TRAPPC13: variants seen among roughly 807,000 people sequenced by gnomAD.
TRAPPC13 encodes trafficking protein particle complex subunit 13.
In TRAPPC13, 39 loss-of-function variants were observed where a neutral mutation model predicts 54.0. The ratio of observed to expected loss-of-function variants is 0.72; its 90% CI spans 0.56 to 0.94. The LOEUF (loss-of-function observed/expected upper bound fraction) is 0.94, where lower values mean the gene tolerates loss of function less well. Among genes scored for constraint, TRAPPC13 ranks in the 40% least tolerant of loss-of-function variants. The pLI, the probability that TRAPPC13 is intolerant of heterozygous loss-of-function variation, is 0.00. For missense variants in TRAPPC13, 386 were observed against 488.1 expected, an observed-to-expected ratio of 0.79 and a Z score of 1.97; for synonymous variants, 148 against 167.7, an observed-to-expected ratio of 0.88 and a Z score of 0.91.
chr5:65,626,520 A>G (rs37252), intron 1 of TRAPPC13, among the ~76,000 whole-genome samples: 94,318 of 151,966 alleles, frequency 0.62, 29,528 homozygotes, highest in South Asian at 0.65. Flanking sequence ...GGGTGATCAC[A>G]AGGTCAAGAG....
chr5:65,655,127 A>G (rs1756604649), intron 7 of TRAPPC13, among the ~76,000 whole-genome samples: 1 of 152,168 alleles, frequency 6.6e-6, no homozygotes. Flanking sequence ...AGAATTCTCA[A>G]TTTTTTCAAG....
At chr5:65,633,630 T>TCTGAAAAATTTTCTGAAAAATC (rs1755630777) in intron 1 of TRAPPC13, among the ~76,000 whole-genome samples, 1 of 152,190 alleles carries the variant, frequency 6.6e-6, no homozygotes, top group Non-Finnish European at 1.5e-5. Flanking sequence ...TGAAAAATTT[T>TCTGAAAAATTTTCTGAAAAATC]ACAAGTTTTT....
chr5:65,658,198 A>T (rs769174711), intron 8 of TRAPPC13, 170 bp from the exon 9 acceptor site: 20 of 563,400 alleles, frequency 3.5e-5, no homozygotes, highest in Non-Finnish European at 5.2e-5. Context: ...GTTAATTATG[A>T]TAGGGTGAAG....
intron 1 of TRAPPC13, 180 bp downstream of exon 1, chr5:65,625,286 C>G: frequency 1.7e-6 from 1 of 602,736 alleles, no homozygotes; most frequent in South Asian, 2.0e-5. Context: ...TTATGGGCCC[C>G]TTTCTAGAAC....
intron 1 of TRAPPC13, chr5:65,626,143 G>C (rs925447830): frequency 6.6e-6 from 1 of 152,220 alleles, no homozygotes; most frequent in Non-Finnish European, 1.5e-5. Flanking sequence ...GTTACTCGTG[G>C]AGAAGAGGGA....
chr5:65,658,190 T>C, intron 8 of TRAPPC13, 178 bp from the exon 9 acceptor site: 1 of 524,706 alleles, frequency 1.9e-6, no homozygotes, highest in South Asian at 3.4e-5. Flanking sequence ...TTGCCCCTGT[T>C]AATTATGATA....
At chr5:65,630,660 T>G in intron 1 of TRAPPC13, 1 of 1,011,906 alleles carries the variant, frequency 9.9e-7, no homozygotes, top group Non-Finnish European at 1.2e-6. Context: ...TTTTTTTCCT[T>G]ACCTCAAGTG....
Position 65,664,956 on chromosome 5 carries a change from C to A in TRAPPC13, c.*345C>A, listed in dbSNP as rs756154545. On this transcript the variant is annotated 3_prime_UTR_variant, in exon 13 of 13. Transcript: ENST00000399438. The stretch of plus-strand genomic sequence containing the variant: ...CACTTTTTATGTAAGGTACAAGATA[C>A]TAAATATTTTAGGCTTTGCAGGCCG... 3 of 243,724 alleles carry A rather than the reference C, an allele frequency of 1.2e-5. No individual in the cohort carries two copies. Among genetic ancestry groups the A allele is most frequent in the Non-Finnish European group, 2.4e-5 (3 of 127,000 alleles). 15.1% of individuals were successfully genotyped at this position (243,724 alleles called of 1,614,324 possible). A position where few individuals can be genotyped will look rare whatever the true frequency, so the allele number is the denominator to read the frequency against.
chr5:65,627,249 C>T (rs1412712466), intron 1 of TRAPPC13, among the ~76,000 whole-genome samples: 1 of 151,782 alleles, frequency 6.6e-6, no homozygotes, highest in African/African-American at 2.4e-5. Context: ...TATAGTTAAC[C>T]CATTGTTCTA....
chr5:65,635,548 T>C (rs1303302870), intron 2 of TRAPPC13, among the ~76,000 whole-genome samples, 179 bp downstream of exon 2: 1 of 152,256 alleles, frequency 6.6e-6, no homozygotes, highest in Non-Finnish European at 1.5e-5. Context: ...TTACTTATAC[T>C]CTACAAGTCC....
intron 7 of TRAPPC13, chr5:65,652,783 C>T (rs1398255007): frequency 7.4e-6 from 4 of 538,776 alleles, no homozygotes; most frequent in South Asian, 4.2e-5. Flanking sequence ...ATAAGGCTTT[C>T]ATCTCCTTTC....
At chr5:65,638,513 G>GTTAAAA (rs1755848501) in intron 4 of TRAPPC13, among the ~76,000 whole-genome samples, 2 of 152,112 alleles carry the variant, frequency 1.3e-5, no homozygotes, top group Admixed American at 6.5e-5. Flanking sequence ...GAGACATAGT[G>GTTAAAA]GTACACATGT....
rs1442335358 is a variant in TRAPPC13, at chr5:65,658,468, CAG to C, written c.667_668del (p.Glu223IlefsTer37). ...GAGCCATCTATTATGTACAATGTAA[CAG>C]AATTAAATTCAGTCAGCCAAGCTGG... On this transcript the variant is annotated frameshift_variant, in exon 9 of 13. Coordinates refer to ENST00000399438, the MANE Select transcript of TRAPPC13 (RefSeq NM_024941.4). LOFTEE classifies it high-confidence loss of function. The C allele has an allele frequency of 6.3e-7, 1 of 1,580,616 alleles. No homozygotes were observed. The highest frequency in any genetic ancestry group is 8.6e-7 in the Non-Finnish European group (1 of 1,161,488).
At chr5:65,634,663 G>T (rs2150666827) in intron 1 of TRAPPC13, among the ~76,000 whole-genome samples, 1 of 152,142 alleles carries the variant, frequency 6.6e-6, no homozygotes, top group Non-Finnish European at 1.5e-5. Context: ...GGCCAAGGTA[G>T]GCAGATCACT....
intron 4 of TRAPPC13, among the ~76,000 whole-genome samples, chr5:65,644,881 CAAA>C (rs34137576): frequency 1.1e-4 from 14 of 124,952 alleles, no homozygotes; most frequent in Admixed American, 8.3e-5. Flanking sequence ...ACTCCGTCTC[CAAA>C]AAAAAAAAAA....
intron 1 of TRAPPC13, chr5:65,629,373 A>T: frequency 1.1e-6 from 1 of 887,312 alleles, no homozygotes; most frequent in Non-Finnish European, 1.5e-6. Context: ...CCACATTGGG[A>T]TTGGTTTTTG....
chr5:65,652,456 G>A, intron 6 of TRAPPC13, 45 bp from the exon 7 acceptor site: 1 of 1,337,202 alleles, frequency 7.5e-7, no homozygotes, highest in East Asian at 2.4e-5. Flanking sequence ...TAAATAAATG[G>A]TCACATGATA....
chr5:65,660,260 T>C (rs745718240), intron 9 of TRAPPC13, among the ~76,000 whole-genome samples: 5 of 151,992 alleles, frequency 3.3e-5, no homozygotes, highest in African/African-American at 4.8e-5. Flanking sequence ...GGTTCTGGTT[T>C]CTGTTGCACT....
At chr5:65,660,962 AT>A in intron 10 of TRAPPC13, 65 bp downstream of exon 10, 1 of 1,358,990 alleles carries the variant, frequency 7.4e-7, no homozygotes, top group Non-Finnish European at 1.0e-6. Flanking sequence ...GAACAACTTA[AT>A]TTTTTCTACA....
Sources: gnomAD v4.1 joint callset for allele counts (sites outside exome capture counted in the v4.1 genomes callset) on GRCh38, gnomAD v4.1.1 for gene constraint, MANE v1.5 for transcripts, NCBI Gene and HGNC (gene_info 2026-07-23, HGNC 2026-07-21) for gene names.